Variants in CTNND1 observed in about 807,000 individuals in gnomAD.
The protein encoded by CTNND1 is catenin delta 1, also known as catenin delta-1.
Under a neutral mutation model 112.1 loss-of-function variants are expected in CTNND1, and 16 were observed. The observed-to-expected ratio is 0.14, with a 90% CI of 0.10 to 0.22. The LOEUF is 0.22. Ranked by LOEUF, CTNND1 falls within the 10% of genes least tolerant of loss-of-function variation. CTNND1 has a pLI of 1.00. For synonymous variants in CTNND1, 420 were observed against 446.5 expected (o/e 0.94, Z 0.75); for missense variants, 1,008 against 1,257.0 (o/e 0.80, Z 3.00).
rs574231655 is a variant in CTNND1 at position 57,808,966 on chromosome 11, A to G, written c.2243-308A>G. ...ATTTTAAATTCATAATAACTCTTCT[A>G]TTAAATTATTATAATATTCAAGATA... is the stretch of plus-strand genomic sequence containing the variant. On this transcript the variant is annotated intron_variant, in intron 14 of 20. Transcript: ENST00000399050. Among the ~76,000 whole-genome samples the G allele has an allele frequency of 5.9e-5, 9 of 152,320 alleles. No individual in the cohort carries two copies. In the South Asian group the frequency reaches 1.9e-3, roughly 32 times the overall value.
chr11:57,806,981 G>T lies in CTNND1; in HGVS notation c.1961G>T (p.Arg654Leu). The T allele has an allele frequency of 1.3e-6, 2 of 1,594,442 alleles. No homozygotes were observed. Among genetic ancestry groups the T allele is most frequent in the Non-Finnish European group, 1.7e-6 (2 of 1,169,648 alleles). Residue 654 changes from arginine to leucine, a missense_variant and splice_region_variant, in exon 12 of 21, where the codon CGA becomes CTA. By Grantham distance (102) the Arg-to-Leu change is moderately radical. Transcript: ENST00000399050. ...VDFPKRTSPA[R>L]GYELLFQPEV... ...TTCCCTAAAAGAACGAGTCCAGCTC[G>T]AGGTAAGTTATCTTCTCAGTCTCCA...
intron 1 of CTNND1, among the ~76,000 whole-genome samples, chr11:57,767,411 A>G (rs1317459630): frequency 6.6e-6 from 1 of 152,202 alleles, no homozygotes; most frequent in African/African-American, 2.4e-5. Context: ...TTGCTCTAGC[A>G]CAGTAACTGG....
rs1274107764 is a variant in CTNND1, at chr11:57,817,162, GGAA to G, written c.*863_*865del. 6 of 152,858 alleles carry G rather than the reference GGAA, an allele frequency of 3.9e-5. No individual in the cohort carries two copies. The East Asian group carries it at 7.7e-4, about 20-fold the overall frequency. 9.5% of individuals were successfully genotyped at this position (152,858 alleles called of 1,614,324 possible). ...GAAGGAGCAGAAAGATGTGTTTTTG[GGAA>G]GAAGAAGACCTCTAGGAGGAGCTAG... On this transcript the variant is annotated 3_prime_UTR_variant, in exon 21 of 21. Coordinates refer to ENST00000399050, the MANE Select transcript of CTNND1 (RefSeq NM_001085458.2).
intron 3 of CTNND1, 35 bp from the exon 4 acceptor site, chr11:57,793,975 C>T (rs758274864): frequency 6.2e-7 from 1 of 1,609,626 alleles, no homozygotes; most frequent in East Asian, 2.2e-5. Context: ...AAGAAGGCCA[C>T]AAAATGAATT....
chr11:57,776,881 G>A (rs1954372126), intron 1 of CTNND1, among the ~76,000 whole-genome samples: 1 of 152,002 alleles, frequency 6.6e-6, no homozygotes, highest in South Asian at 2.1e-4. Flanking sequence ...CTCTGTCTGG[G>A]GTGTGTCTTT....
chr11:57,807,815 A>G (rs184469398), intron 12 of CTNND1, among the ~76,000 whole-genome samples: 2 of 152,144 alleles, frequency 1.3e-5, no homozygotes, highest in South Asian at 2.1e-4. Flanking sequence ...AATTGATTTG[A>G]GATGAGGAAT....
At chr11:57,773,893 C>T (rs1006062135) in intron 1 of CTNND1, among the ~76,000 whole-genome samples, 11 of 151,974 alleles carry the variant, frequency 7.2e-5, no homozygotes, top group African/African-American at 2.7e-4. Context: ...ATTGAGATTG[C>T]ACTATTGCAT....
At chr11:57,800,176 A>C (rs2061849469) in intron 6 of CTNND1, among the ~76,000 whole-genome samples, 1 of 151,864 alleles carries the variant, frequency 6.6e-6, no homozygotes, top group Non-Finnish European at 1.5e-5. Flanking sequence ...CAAAAGTGAT[A>C]CATAATAGTT....
At chr11:57,790,555 T>G (rs1591425627) in intron 2 of CTNND1, among the ~76,000 whole-genome samples, 1 of 129,742 alleles carries the variant, frequency 7.7e-6, no homozygotes, top group Non-Finnish European at 1.6e-5. Flanking sequence ...TGTGTGTGTT[T>G]TTTTTTTTTT....
At chr11:57,791,719 T>G in intron 3 of CTNND1, 46 bp downstream of exon 3, 1 of 1,479,610 alleles carries the variant, frequency 6.8e-7, no homozygotes, top group Non-Finnish European at 9.0e-7. Context: ...TTTGGCATGG[T>G]CACAGAGAGG....
chr11:57,769,205 C>G (rs1951921331), intron 1 of CTNND1, among the ~76,000 whole-genome samples: 1 of 151,742 alleles, frequency 6.6e-6, no homozygotes, highest in Non-Finnish European at 1.5e-5. Flanking sequence ...ATCTGAGCTA[C>G]TCGGGAGGCT....
intron 18 of CTNND1, among the ~76,000 whole-genome samples, chr11:57,814,622 A>C (rs1048899158): frequency 1.3e-5 from 2 of 152,166 alleles, no homozygotes; most frequent in African/African-American, 2.4e-5. Flanking sequence ...TACACATTCA[A>C]GTTTGTAGCC....
chr11:57,783,399 C>T (rs1382219425), intron 1 of CTNND1, among the ~76,000 whole-genome samples: 3 of 152,156 alleles, frequency 2.0e-5, no homozygotes, highest in African/African-American at 7.2e-5. Flanking sequence ...CGGGCTCACG[C>T]CTGTAATCCC....
chr11:57,768,550 C>T (rs12291343), intron 1 of CTNND1, among the ~76,000 whole-genome samples: 2,242 of 151,688 alleles, frequency 0.015, 47 homozygotes, highest in African/African-American at 0.051. Context: ...CCCGCCACCA[C>T]GCCTGGCTAA....
intron 9 of CTNND1, among the ~76,000 whole-genome samples, chr11:57,805,405 G>A (rs1389897828): frequency 6.6e-6 from 1 of 151,656 alleles, no homozygotes; most frequent in African/African-American, 2.4e-5. Context: ...CACCATGCCC[G>A]GCTAATTTTT....
intron 4 of CTNND1, among the ~76,000 whole-genome samples, chr11:57,794,817 T>A (rs1591481237): frequency 7.2e-6 from 1 of 139,110 alleles, no homozygotes; most frequent in African/African-American, 2.7e-5. Context: ...TATTTTAGAC[T>A]GGGCACGGTG....
intron 6 of CTNND1, among the ~76,000 whole-genome samples, chr11:57,800,510 C>T (rs1422906656): frequency 2.6e-5 from 4 of 152,116 alleles, no homozygotes; most frequent in Non-Finnish European, 2.9e-5. Flanking sequence ...TCAGGTAATC[C>T]GCCCACTGCA....
At chr11:57,794,188 C>A in intron 4 of CTNND1, 107 bp downstream of exon 4, 3 of 892,890 alleles carry the variant, frequency 3.4e-6, no homozygotes, top group Non-Finnish European at 5.4e-6. Flanking sequence ...ATTGTACATA[C>A]TCGTCAATTA....
chr11:57,769,692 T>C (rs1450527140), intron 1 of CTNND1, among the ~76,000 whole-genome samples: 1 of 152,130 alleles, frequency 6.6e-6, no homozygotes, highest in Non-Finnish European at 1.5e-5. Flanking sequence ...TGGGCGTTGC[T>C]TTGCCTCACT....
Sources: allele counts gnomAD v4.1 joint callset (sites outside exome capture counted in the v4.1 genomes callset), GRCh38; gene constraint gnomAD v4.1.1; transcripts MANE v1.5; gene names NCBI Gene and HGNC (gene_info 2026-07-23, HGNC 2026-07-21).